TAFA4: variants seen among roughly 807,000 people sequenced by gnomAD.
The protein encoded by TAFA4 is TAFA chemokine like family member 4, also known as chemokine-like protein TAFA-4.
In TAFA4, 20 loss-of-function variants were observed where a neutral mutation model predicts 21.1. The observed-to-expected ratio is 0.95, with a 90% CI of 0.67 to 1.38. TAFA4 has a LOEUF of 1.38. Among genes scored for constraint, TAFA4 ranks in the 40% most tolerant of loss-of-function variants. The pLI is 0.00. For synonymous variants in TAFA4, 71 were observed against 67.4 expected (o/e 1.05, Z -0.26); for missense variants, 211 against 180.9 (o/e 1.17, Z -0.95).
chr3:68,869,874 G>T lies in TAFA4; in HGVS notation c.130+10856C>A, dbSNP rs546030567. On this transcript the variant is annotated intron_variant, in intron 3 of 5. Coordinates refer to ENST00000295569, the MANE Select transcript of TAFA4 (RefSeq NM_182522.5). The stretch of plus-strand genomic sequence containing the variant: ...TTCTAGCCACAGCAATTAGACAAGA[G>T]AAAGAAATAAAGGGCATCCAAATTG... Among the ~76,000 whole-genome samples, 22 of 151,946 alleles carry T rather than the reference G, an allele frequency of 1.4e-4. No individual in the cohort carries two copies. In the South Asian group the frequency reaches 4.6e-3, roughly 32 times the overall value.
chr3:68,784,847 T>C (rs1333776335), intron 3 of TAFA4, among the ~76,000 whole-genome samples: 2 of 152,070 alleles, frequency 1.3e-5, no homozygotes, highest in African/African-American at 4.8e-5. Flanking sequence ...ACAAAGGTTC[T>C]CCACGTCCCC....
chr3:68,787,555 C>T (rs929261286), intron 3 of TAFA4, among the ~76,000 whole-genome samples: 1 of 152,044 alleles, frequency 6.6e-6, no homozygotes. Flanking sequence ...GGGAAGAGGG[C>T]GAACGTCCAT....
At chr3:68,883,551 A>G (rs2089640113) in intron 2 of TAFA4, among the ~76,000 whole-genome samples, 1 of 152,326 alleles carries the variant, frequency 6.6e-6, no homozygotes, top group African/African-American at 2.4e-5. Context: ...CCCACACTCA[A>G]AGGAAAGCAA....
intron 3 of TAFA4, among the ~76,000 whole-genome samples, chr3:68,769,622 C>T (rs1275161622): frequency 6.6e-6 from 1 of 152,130 alleles, no homozygotes; most frequent in Non-Finnish European, 1.5e-5. Context: ...GATACGCTAC[C>T]ATACCCAGAT....
At chr3:68,914,915 T>A (rs2089990563) in intron 1 of TAFA4, among the ~76,000 whole-genome samples, 1 of 152,206 alleles carries the variant, frequency 6.6e-6, no homozygotes, top group Admixed American at 6.5e-5. Flanking sequence ...AATTCATATT[T>A]CAGTATTCAT....
chr3:68,795,316 TA>T (rs368116381), intron 3 of TAFA4, among the ~76,000 whole-genome samples: 10 of 151,662 alleles, frequency 6.6e-5, no homozygotes, highest in African/African-American at 9.7e-5. Flanking sequence ...TCAATGCTAG[TA>T]ACACATCCAA....
At chr3:68,906,378 AAAT>A (rs1357329191) in intron 1 of TAFA4, among the ~76,000 whole-genome samples, 3 of 152,258 alleles carry the variant, frequency 2.0e-5, no homozygotes, top group Non-Finnish European at 4.4e-5. Context: ...CTCAGTATGC[AAAT>A]AATAATAGCT....
At chr3:68,906,802 G>C (rs985957559) in intron 1 of TAFA4, among the ~76,000 whole-genome samples, 1 of 152,074 alleles carries the variant, frequency 6.6e-6, no homozygotes, top group Non-Finnish European at 1.5e-5. Context: ...GGCCGAGGCG[G>C]GTGGATCACC....
chr3:68,852,879 A>G (rs1350340124), intron 3 of TAFA4, among the ~76,000 whole-genome samples: 1 of 152,204 alleles, frequency 6.6e-6, no homozygotes, highest in Non-Finnish European at 1.5e-5. Flanking sequence ...AAGAAAAAAG[A>G]AAAGAAAAAG....
intron 3 of TAFA4, among the ~76,000 whole-genome samples, chr3:68,832,978 G>T (rs1381792360): frequency 1.3e-5 from 2 of 152,208 alleles, no homozygotes; most frequent in African/African-American, 2.4e-5. Context: ...TGCTACCAGC[G>T]AGCAAGGCTC....
At chr3:68,768,932 T>A (rs750871451) in intron 3 of TAFA4, among the ~76,000 whole-genome samples, 5 of 151,938 alleles carry the variant, frequency 3.3e-5, no homozygotes, top group Non-Finnish European at 7.4e-5. Context: ...GAGCTAAGAA[T>A]AGGAGAGGGG....
rs537935412 is a variant in TAFA4 at position 68,921,024 on chromosome 3, C to T, written c.-123+11216G>A. ...CTGGGGGGACAAAGGCCAAAAGGGTCGGCAGCCAGGGAGGAGAACTGTAGC... is the reference window on the plus strand; with the variant it reads ...CTGGGGGGACAAAGGCCAAAAGGGTTGGCAGCCAGGGAGGAGAACTGTAGC... On this transcript the variant is annotated intron_variant, in intron 1 of 5. Transcript: ENST00000295569. Among the ~76,000 whole-genome samples the T allele has an allele frequency of 3.8e-4, 58 of 152,184 alleles. No homozygotes were observed. The South Asian group carries it at 0.011, about 29-fold the overall frequency.
At chr3:68,751,011 A>T (rs1702548531) in intron 4 of TAFA4, among the ~76,000 whole-genome samples, 1 of 152,244 alleles carries the variant, frequency 6.6e-6, no homozygotes, top group African/African-American at 2.4e-5. Context: ...CTGGAAATCC[A>T]GGGTGTTGCA....
chr3:68,747,527 G>C (rs113355877), intron 4 of TAFA4, among the ~76,000 whole-genome samples: 2,688 of 152,188 alleles, frequency 0.018, 91 homozygotes, highest in African/African-American at 0.061. Flanking sequence ...CTTACACCAC[G>C]ATGGTGAGGC....
At chr3:68,781,304 A>C (rs1456066393) in intron 3 of TAFA4, among the ~76,000 whole-genome samples, 1 of 151,910 alleles carries the variant, frequency 6.6e-6, no homozygotes, top group Non-Finnish European at 1.5e-5. Context: ...TGAAGCAATG[A>C]AAAAGAGAAA....
At chr3:68,779,238 G>C (rs1352670855) in intron 3 of TAFA4, among the ~76,000 whole-genome samples, 1 of 152,156 alleles carries the variant, frequency 6.6e-6, no homozygotes, top group Non-Finnish European at 1.5e-5. Context: ...GTTCTTAAAG[G>C]CATTCAGGTT....
At chr3:68,900,079 CACAA>C in intron 1 of TAFA4, among the ~76,000 whole-genome samples, 1 of 53,088 alleles carries the variant, frequency 1.9e-5, no homozygotes, top group South Asian at 7.8e-4. Flanking sequence ...TCTCTACACA[CACAA>C]AAAAAAAAAA....
At chr3:68,795,747 T>G (rs138253674) in intron 3 of TAFA4, among the ~76,000 whole-genome samples, 1,894 of 152,296 alleles carry the variant, frequency 0.012, 15 homozygotes, top group Non-Finnish European at 0.019. Flanking sequence ...CATGTTTTCC[T>G]GGATGGTGTT....
At chr3:68,733,199 C>G (rs564741905) in intron 5 of TAFA4, 46 bp from the exon 6 acceptor site, 4 of 1,598,470 alleles carry the variant, frequency 2.5e-6, no homozygotes, top group African/African-American at 1.3e-5. Context: ...CTATACCCAC[C>G]GAAATAACCA....
Sources: allele counts gnomAD v4.1 joint callset (sites outside exome capture counted in the v4.1 genomes callset), GRCh38; gene constraint gnomAD v4.1.1; transcripts MANE v1.5; gene names NCBI Gene and HGNC (gene_info 2026-07-23, HGNC 2026-07-21).